NRG2: variants seen among roughly 807,000 people sequenced by gnomAD.
NRG2 encodes the protein neuregulin 2, also known as pro-neuregulin-2, membrane-bound isoform.
Under a neutral mutation model 73.9 loss-of-function variants are expected in NRG2, and 27 were observed. The observed-to-expected ratio is 0.37, with a 90% CI of 0.27 to 0.50. The LOEUF (loss-of-function observed/expected upper bound fraction) is 0.50. Among genes scored for constraint, NRG2 ranks in the 20% least tolerant of loss-of-function variants. The pLI is 0.96. For missense variants in NRG2, 1,126 were observed against 1,210.1 expected, an observed-to-expected ratio of 0.93 and a Z score of 1.03; for synonymous variants, 532 against 541.0, an observed-to-expected ratio of 0.98 and a Z score of 0.23.
chr5:139,971,204 C>A (rs996023017), intron 1 of NRG2, among the ~76,000 whole-genome samples: 1 of 152,150 alleles, frequency 6.6e-6, no homozygotes, highest in Non-Finnish European at 1.5e-5. Flanking sequence ...TCCCTGAGAG[C>A]CCCCAGGGTT....
chr5:139,952,615 T>C lies in NRG2; in HGVS notation c.701-65104A>G, dbSNP rs142892750. On this transcript the variant is annotated intron_variant, in intron 1 of 9. Transcript: ENST00000361474. ...GGAAGCAGGGAACCTGATATTTACA[T>C]ACCTCCGCAGATGTGTCCCCACAGC... Among the ~76,000 whole-genome samples the C allele has an allele frequency of 3.1e-3, 472 of 152,294 alleles. 2 individuals carry two copies. Among genetic ancestry groups the C allele is most frequent in the African/African-American group, 0.011 (465 of 41,552 alleles).
At position 139,868,744 on chromosome 5, in the gene NRG2, G is replaced by A. The variant is rs1023723711; in HGVS notation, c.1112+2977C>T. Among the ~76,000 whole-genome samples the A allele has an allele frequency of 7.9e-5, 12 of 152,122 alleles. No individual in the cohort carries two copies. Among genetic ancestry groups the A allele is most frequent in the Non-Finnish European group, 1.6e-4 (11 of 68,026 alleles). On this transcript the variant is annotated intron_variant, in intron 4 of 9. Transcript: ENST00000361474. This position sits in a 1 kb window ranked among gnomAD's most constrained non-coding sequence, Gnocchi z 4.2. The stretch of plus-strand genomic sequence containing the variant: ...GGGAGGGGGTGGATGAAGGATGGCG[G>A]TGTGCCCCGGGCACTGGAGGGAGTG...
At chr5:139,970,635 A>C (rs1013491464) in intron 1 of NRG2, among the ~76,000 whole-genome samples, 20 of 152,194 alleles carry the variant, frequency 1.3e-4, no homozygotes, top group Non-Finnish European at 2.1e-4. Context: ...CTCCTTTTTC[A>C]GGGTACCTCT....
chr5:139,871,589 A>T, intron 4 of NRG2, 132 bp downstream of exon 4: 1 of 1,194,146 alleles, frequency 8.4e-7, no homozygotes, highest in East Asian at 2.4e-5. Context: ...AGTAGGGCAA[A>T]GCTTCCTGTC....
chr5:139,987,216 C>CA (rs35519606), intron 1 of NRG2, among the ~76,000 whole-genome samples: 31,903 of 139,536 alleles, frequency 0.23, 3,619 homozygotes, highest in African/African-American at 0.28. Context: ...TACTAAAATA[C>CA]AAAAAAAAAA....
intron 1 of NRG2, among the ~76,000 whole-genome samples, chr5:139,953,918 C>T (rs746869441): frequency 4.6e-5 from 7 of 152,114 alleles, no homozygotes; most frequent in African/African-American, 9.7e-5. Flanking sequence ...GGTCCCCCAA[C>T]GCAGGATTTA....
At chr5:140,017,286 G>A (rs552212243) in intron 1 of NRG2, among the ~76,000 whole-genome samples, 1 of 152,276 alleles carries the variant, frequency 6.6e-6, no homozygotes, top group South Asian at 2.1e-4. Context: ...GAAAGGGGGT[G>A]AGAGTTTCAC....
chr5:139,867,809 T>TGTATGTATGA (rs1561639003), intron 4 of NRG2, among the ~76,000 whole-genome samples: 4 of 136,368 alleles, frequency 2.9e-5, no homozygotes, highest in African/African-American at 1.0e-4. Context: ...TGAGTGTGTG[T>TGTATGTATGA]GTGTGTGTGT....
At chr5:139,934,549 G>A (rs561294655) in intron 1 of NRG2, among the ~76,000 whole-genome samples, 6 of 151,930 alleles carry the variant, frequency 3.9e-5, no homozygotes, top group East Asian at 3.9e-4. Flanking sequence ...ATGAAATCAC[G>A]AAAAAGAAAA....
At chr5:139,975,129 T>C (rs767139830) in intron 1 of NRG2, among the ~76,000 whole-genome samples, 8 of 152,190 alleles carry the variant, frequency 5.3e-5, no homozygotes, top group Non-Finnish European at 8.8e-5. Context: ...TATCGCGATG[T>C]CCCTGTACCT....
chr5:139,930,340 T>A (rs1426438133), intron 1 of NRG2, among the ~76,000 whole-genome samples: 1 of 152,194 alleles, frequency 6.6e-6, no homozygotes, highest in South Asian at 2.1e-4. Context: ...AAGGAGATGA[T>A]CATGTCTATA....
chr5:140,032,438 C>T (rs2126694271), intron 1 of NRG2, among the ~76,000 whole-genome samples: 1 of 151,940 alleles, frequency 6.6e-6, no homozygotes, highest in African/African-American at 2.4e-5. Context: ...AGAACTGAAA[C>T]ATGACCAAGA....
intron 1 of NRG2, among the ~76,000 whole-genome samples, chr5:139,977,930 C>T (rs377246347): frequency 1.3e-5 from 2 of 152,230 alleles, no homozygotes; most frequent in Non-Finnish European, 2.9e-5. Flanking sequence ...TTACACCTTA[C>T]ACAAAAATTA....
chr5:139,960,120 T>G (rs1754945784), intron 1 of NRG2, among the ~76,000 whole-genome samples: 1 of 152,232 alleles, frequency 6.6e-6, no homozygotes, highest in African/African-American at 2.4e-5. Flanking sequence ...AAGGGAAGAC[T>G]GGAGCCTTCC....
intron 1 of NRG2, among the ~76,000 whole-genome samples, chr5:139,932,721 G>C (rs1417777961): frequency 6.6e-6 from 1 of 151,960 alleles, no homozygotes; most frequent in Non-Finnish European, 1.5e-5. Context: ...ATAATAGCAT[G>C]TTGTAAAATC....
intron 1 of NRG2, among the ~76,000 whole-genome samples, chr5:140,017,664 C>T (rs1056869418): frequency 6.6e-5 from 10 of 151,946 alleles, no homozygotes; most frequent in Non-Finnish European, 1.2e-4. Flanking sequence ...TCGATGGAGT[C>T]GGAGATGGTA....
intron 4 of NRG2, among the ~76,000 whole-genome samples, chr5:139,866,567 G>T (rs151140460): frequency 6.6e-6 from 1 of 152,154 alleles, no homozygotes; most frequent in Non-Finnish European, 1.5e-5. Context: ...AAAGGGATTG[G>T]AGCAGGCTCG....
At position 139,906,436 on chromosome 5, in the gene NRG2, A is replaced by G. The variant is rs139129049; in HGVS notation, c.701-18925T>C. 3.4e-3 allele frequency among the ~76,000 whole-genome samples: 520 copies of G among 152,226 alleles called. 1 individual carries two copies. The highest frequency in any genetic ancestry group is 0.012 in the African/African-American group (487 of 41,488). ...TAGCTCACAGCCTTCTAGCCCCCAA[A>G]GCCTATACCTCAGCCACTTTACTTA... is the stretch of plus-strand genomic sequence containing the variant. On this transcript the variant is annotated intron_variant, in intron 1 of 9. Transcript: ENST00000361474.
intron 1 of NRG2, among the ~76,000 whole-genome samples, chr5:139,973,380 C>T (rs935980593): frequency 2.6e-5 from 4 of 151,466 alleles, no homozygotes; most frequent in Non-Finnish European, 4.4e-5. Flanking sequence ...TTTTTTGAGA[C>T]GAGGTCTCAC....
Sources: allele counts gnomAD v4.1 joint callset (sites outside exome capture counted in the v4.1 genomes callset), GRCh38; gene constraint gnomAD v4.1.1; non-coding constraint Gnocchi (gnomAD v3.1); transcripts MANE v1.5; gene names NCBI Gene and HGNC (gene_info 2026-07-23, HGNC 2026-07-21).